The following CEP170 variants were observed in gnomAD, a reference collection of about 807,000 sequenced individuals.
CEP170 encodes centrosomal protein 170.
In CEP170, 21 loss-of-function variants were observed where a neutral mutation model predicts 151.9. The observed-to-expected ratio is 0.14, with a 90% CI of 0.10 to 0.20. The LOEUF is 0.20. Among genes scored for constraint, CEP170 ranks in the 10% least tolerant of loss-of-function variants. The pLI is 1.00. For missense variants in CEP170, 964 were observed against 1,892.9 expected, an observed-to-expected ratio of 0.51 and a Z score of 9.11; for synonymous variants, 356 against 648.8, an observed-to-expected ratio of 0.55 and a Z score of 6.86.
In CEP170 at chr1:243,165,681, G is replaced by C; in HGVS notation, c.2279C>G (p.Thr760Arg). ...QQEQREEAQW[T>R]PTKLSSKNVS... ...ATTTTTGGAAGACAATTTAGTAGGTGTCCACTGAGCCTCCTCCCTTTGTTC... is the reference window on the plus strand; with the variant it reads ...ATTTTTGGAAGACAATTTAGTAGGTCTCCACTGAGCCTCCTCCCTTTGTTC... The change falls in exon 13 of 20, where the codon ACA (threonine) becomes AGA (arginine). Residue 760 changes from threonine to arginine, a missense_variant. By Grantham distance (71) the Thr-to-Arg change is moderately conservative. Transcript: ENST00000366542. The C allele has an allele frequency of 1.2e-6, 2 of 1,614,058 alleles. No individual in the cohort carries two copies. The highest frequency in any genetic ancestry group is 1.7e-6 in the Non-Finnish European group (2 of 1,179,904).
At chr1:243,171,794 A>G (rs184185601) in intron 11 of CEP170, among the ~76,000 whole-genome samples, 120 of 152,328 alleles carry the variant, frequency 7.9e-4, no homozygotes, top group African/African-American at 2.2e-3. Flanking sequence ...TATTTTATCA[A>G]AAATGCCATT....
At chr1:243,162,750 T>C (rs916539240) in intron 13 of CEP170, among the ~76,000 whole-genome samples, 7 of 152,272 alleles carry the variant, frequency 4.6e-5, no homozygotes, top group African/African-American at 1.7e-4. Context: ...AATACATACA[T>C]ATCTTAATGG....
chr1:243,167,199 T>A (rs945794818), intron 12 of CEP170, among the ~76,000 whole-genome samples: 6 of 152,022 alleles, frequency 3.9e-5, no homozygotes, highest in African/African-American at 1.2e-4. Context: ...AAAAGTATTA[T>A]CTACTTGAAA....
At chr1:243,139,597 A>C (rs527792151) in intron 16 of CEP170, among the ~76,000 whole-genome samples, 2 of 152,150 alleles carry the variant, frequency 1.3e-5, no homozygotes, top group Non-Finnish European at 2.9e-5. Flanking sequence ...TCTCTTAAGA[A>C]ATCACTCCCT....
At chr1:243,193,292 ATGTAC>A (rs1405580402) in intron 7 of CEP170, among the ~76,000 whole-genome samples, 3 of 152,008 alleles carry the variant, frequency 2.0e-5, no homozygotes, top group African/African-American at 7.2e-5. Flanking sequence ...ACTATGCACA[ATGTAC>A]TGTACTTGAT....
chr1:243,151,243 T>C (rs1292914725), intron 14 of CEP170, among the ~76,000 whole-genome samples: 1 of 151,374 alleles, frequency 6.6e-6, no homozygotes, highest in African/African-American at 2.4e-5. Context: ...CCTATCTTCT[T>C]TTCCCATGCC....
chr1:243,210,608 A>ATTTTTTTT lies in CEP170; in HGVS notation c.274+1270_274+1277dup, dbSNP rs751388751. 2.6e-3 allele frequency among the ~76,000 whole-genome samples: 174 copies of ATTTTTTTT among 67,906 alleles called. 1 individual carries two copies. The highest frequency in any genetic ancestry group is 3.7e-3 in the South Asian group (6 of 1,612). The allele number at this position is 67,906 out of a possible 152,430, so 44.5% of individuals were successfully genotyped here. On this transcript the variant is annotated intron_variant, in intron 4 of 19. Transcript: ENST00000366542. ...AAAAATTGTAATATTATTTTTCGTAATTTTTTTTTTTTTTTTTTTTTTTTT... is the reference window on the plus strand; with the variant it reads ...AAAAATTGTAATATTATTTTTCGTAATTTTTTTTTTTTTTTTTTTTTTTTTTTTTTTTT...
At chr1:243,152,508 A>C (rs1572278102) in intron 14 of CEP170, among the ~76,000 whole-genome samples, 1 of 121,172 alleles carries the variant, frequency 8.3e-6, no homozygotes, top group Non-Finnish European at 1.7e-5. Context: ...GGCGTGAGCC[A>C]CCGCGCCCAG....
intron 6 of CEP170, 103 bp from the exon 7 acceptor site, chr1:243,199,297 CAAAGT>C: frequency 2.4e-6 from 3 of 1,250,508 alleles, no homozygotes; most frequent in Non-Finnish European, 3.3e-6. Flanking sequence ...AATTAAAAAG[CAAAGT>C]ATAGTCTTGA....
intron 6 of CEP170, among the ~76,000 whole-genome samples, chr1:243,199,618 A>T (rs2148826178): frequency 6.6e-6 from 1 of 152,290 alleles, no homozygotes; most frequent in Non-Finnish European, 1.5e-5. Context: ...GCTCATTAAG[A>T]CTAAATGTAA....
chr1:243,137,240 T>G (rs1298131953), intron 16 of CEP170, among the ~76,000 whole-genome samples: 1 of 152,304 alleles, frequency 6.6e-6, no homozygotes, highest in Non-Finnish European at 1.5e-5. Flanking sequence ...TAACGAAGCA[T>G]GGTAGAAAAA....
intron 1 of CEP170, among the ~76,000 whole-genome samples, chr1:243,236,389 TAAC>T (rs1437100447): frequency 2.6e-5 from 4 of 152,188 alleles, no homozygotes; most frequent in African/African-American, 4.8e-5. Context: ...TATTTTAACT[TAAC>T]AACGAGTTCT....
intron 14 of CEP170, among the ~76,000 whole-genome samples, chr1:243,148,724 T>C (rs1303611236): frequency 2.0e-5 from 3 of 152,196 alleles, no homozygotes; most frequent in African/African-American, 7.2e-5. Context: ...TATATTTGAC[T>C]TACATACCAA....
At chr1:243,158,703 A>G (rs573174588) in intron 13 of CEP170, among the ~76,000 whole-genome samples, 1 of 152,170 alleles carries the variant, frequency 6.6e-6, no homozygotes, top group Non-Finnish European at 1.5e-5. Context: ...CAAACTTTCC[A>G]TCTCTTTTCA....
chr1:243,189,521 A>G (rs1028860288), intron 8 of CEP170, among the ~76,000 whole-genome samples: 3 of 149,818 alleles, frequency 2.0e-5, no homozygotes, highest in African/African-American at 7.4e-5. Flanking sequence ...GCGCCACTGC[A>G]CTCCAGCCTG....
intron 10 of CEP170, among the ~76,000 whole-genome samples, chr1:243,176,028 C>A (rs977224393): frequency 4.6e-5 from 7 of 152,160 alleles, no homozygotes; most frequent in African/African-American, 1.4e-4. Context: ...CATCTCCTGA[C>A]CTCATCATCT....
At chr1:243,150,299 T>C (rs977632991) in intron 14 of CEP170, among the ~76,000 whole-genome samples, 1 of 152,096 alleles carries the variant, frequency 6.6e-6, no homozygotes, top group African/African-American at 2.4e-5. Context: ...TACAGGTGCA[T>C]GCCATCACAC....
Position 243,160,550 on chromosome 1 carries a change from T to C in CEP170, c.3676+3734A>G, listed in dbSNP as rs555103909. Reference sequence around the variant, plus strand: ...AAAAAAAGAGTTGTTAGTATCATATTTCTGTGAATGTTCCAATTTCTTTGT... The same window carrying C: ...AAAAAAAGAGTTGTTAGTATCATATCTCTGTGAATGTTCCAATTTCTTTGT... On this transcript the variant is annotated intron_variant, in intron 13 of 19. Coordinates refer to ENST00000366542, the MANE Select transcript of CEP170 (RefSeq NM_014812.3). Among the ~76,000 whole-genome samples, 255 of 152,334 alleles carry C rather than the reference T, an allele frequency of 1.7e-3. 2 individuals are homozygous for C. Among genetic ancestry groups the C allele is most frequent in the African/African-American group, 5.7e-3 (239 of 41,572 alleles).
intron 13 of CEP170, among the ~76,000 whole-genome samples, chr1:243,158,824 TTTGGGAGGCTGAG>T (rs1191536601): frequency 2.6e-5 from 4 of 151,958 alleles, no homozygotes; most frequent in Non-Finnish European, 4.4e-5. Context: ...ATCCCAGCAC[TTTGGGAGGCTGAG>T]GTGGGAGGAT....
Sources: gnomAD v4.1 joint callset for allele counts (sites outside exome capture counted in the v4.1 genomes callset) on GRCh38, gnomAD v4.1.1 for gene constraint, MANE v1.5 for transcripts, NCBI Gene and HGNC (gene_info 2026-07-23, HGNC 2026-07-21) for gene names.